PRKG1: variants seen among roughly 807,000 people sequenced by gnomAD.
PRKG1 encodes protein kinase cGMP-dependent 1.
PRKG1 carries 35 observed loss-of-function variants against 88.1 expected under a neutral mutation model. The observed-to-expected ratio is 0.40, with a 90% CI of 0.30 to 0.53. The LOEUF (loss-of-function observed/expected upper bound fraction) is 0.53, where lower values mean the gene tolerates loss of function less well. Ranked by LOEUF, PRKG1 falls within the 20% of genes least tolerant of loss-of-function variation. The pLI is 0.59. For missense variants in PRKG1, 540 were observed against 839.8 expected, an observed-to-expected ratio of 0.64 and a Z score of 4.41; for synonymous variants, 303 against 292.5, an observed-to-expected ratio of 1.04 and a Z score of -0.37.
intron 3 of PRKG1, among the ~76,000 whole-genome samples, chr10:51,777,475 T>C (rs1282990208): frequency 1.3e-5 from 2 of 152,074 alleles, no homozygotes; most frequent in Admixed American, 6.6e-5. Flanking sequence ...TTTAGGGTAG[T>C]TCTATTAATT....
intron 7 of PRKG1, among the ~76,000 whole-genome samples, chr10:52,084,146 G>T (rs1305154322): frequency 2.0e-5 from 3 of 152,010 alleles, no homozygotes; most frequent in Non-Finnish European, 4.4e-5. Context: ...TTCATTAGAA[G>T]ATGATTAGCA....
At chr10:51,406,660 A>G (rs754369796) in intron 2 of PRKG1, among the ~76,000 whole-genome samples, 8 of 146,362 alleles carry the variant, frequency 5.5e-5, no homozygotes, top group Non-Finnish European at 1.1e-4. Context: ...CTGTTTTTAT[A>G]TATTTCTATG....
At chr10:51,222,240 G>C (rs571288953) in intron 2 of PRKG1, among the ~76,000 whole-genome samples, 124 of 151,768 alleles carry the variant, frequency 8.2e-4, no homozygotes, top group African/African-American at 2.9e-3. Context: ...GAGAGGAACT[G>C]TTCCTCCCAC....
intron 7 of PRKG1, among the ~76,000 whole-genome samples, chr10:52,107,078 G>T (rs1589611800): frequency 6.6e-6 from 1 of 152,300 alleles, no homozygotes; most frequent in Admixed American, 6.5e-5. Flanking sequence ...TTTCACTGGA[G>T]AGACTGGCTA....
chr10:51,090,035 T>C (rs1244836458), intron 1 of PRKG1, among the ~76,000 whole-genome samples: 3 of 152,198 alleles, frequency 2.0e-5, no homozygotes, highest in African/African-American at 7.2e-5. Context: ...GAATGGGTTC[T>C]AATTTAATTG....
At chr10:51,387,590 A>G (rs375086109) in intron 2 of PRKG1, among the ~76,000 whole-genome samples, 2 of 152,072 alleles carry the variant, frequency 1.3e-5, no homozygotes, top group East Asian at 3.8e-4. Context: ...TCACTTAGGA[A>G]GGCTTGGTAC....
At chr10:51,910,587 T>A (rs947964641) in intron 5 of PRKG1, 1 of 152,102 alleles carries the variant, frequency 6.6e-6, no homozygotes, top group Admixed American at 6.6e-5. Context: ...AAAAGTTTAG[T>A]CAAGCAGAGG....
intron 4 of PRKG1, among the ~76,000 whole-genome samples, chr10:51,863,154 A>G (rs1471206691): frequency 1.4e-5 from 2 of 147,726 alleles, no homozygotes; most frequent in Non-Finnish European, 3.0e-5. Flanking sequence ...ATGCTAATCC[A>G]GATCATGACC....
At chr10:52,014,082 G>T (rs377544506) in intron 5 of PRKG1, among the ~76,000 whole-genome samples, 22 of 152,074 alleles carry the variant, frequency 1.4e-4, no homozygotes, top group East Asian at 7.7e-4. Flanking sequence ...GAGTGGGAAA[G>T]AAAAAGGAAA....
chr10:51,377,600 GT>G (rs141237288), intron 2 of PRKG1, among the ~76,000 whole-genome samples: 7,548 of 149,690 alleles, frequency 0.05, 528 homozygotes, highest in African/African-American at 0.16. Flanking sequence ...CCCACATGGT[GT>G]TTTTTTTTTC....
intron 10 of PRKG1, among the ~76,000 whole-genome samples, chr10:52,263,656 A>G (rs1190555816): frequency 6.6e-6 from 1 of 150,434 alleles, no homozygotes; most frequent in African/African-American, 2.5e-5. Context: ...GGCTCACTGC[A>G]GCTTGAGCTT....
At chr10:51,527,216 C>A (rs1841904092) in intron 3 of PRKG1, among the ~76,000 whole-genome samples, 1 of 151,838 alleles carries the variant, frequency 6.6e-6, no homozygotes, top group South Asian at 2.1e-4. Flanking sequence ...GTATGAGATA[C>A]TCTAAATGAA....
intron 9 of PRKG1, among the ~76,000 whole-genome samples, chr10:52,212,432 C>T (rs1840002456): frequency 6.6e-6 from 1 of 152,116 alleles, no homozygotes; most frequent in Non-Finnish European, 1.5e-5. Context: ...CACTTGCCTC[C>T]TAAACTGTTA....
At chr10:51,906,655 G>A (rs1404217787) in intron 4 of PRKG1, among the ~76,000 whole-genome samples, 1 of 152,110 alleles carries the variant, frequency 6.6e-6, no homozygotes. Context: ...TTATTATGCA[G>A]ATGAAGCCTC....
chr10:51,057,368 T>C lies in PRKG1; in HGVS notation c.266+65724T>C, dbSNP rs533059964. On this transcript the variant is annotated intron_variant, in intron 1 of 17. Coordinates refer to the PRKG1 transcript ENST00000401604. ...ATCTAAAATGATATTCAGTAATTCCTTGCCAGTTATTCTTAGTAAAATCAA... is the reference window on the plus strand; with the variant it reads ...ATCTAAAATGATATTCAGTAATTCCCTGCCAGTTATTCTTAGTAAAATCAA... Among the ~76,000 whole-genome samples the C allele has an allele frequency of 3.3e-4, 51 of 152,372 alleles. No individual in the cohort carries two copies. In the South Asian group the frequency reaches 0.01, roughly 30 times the overall value.
At chr10:51,750,343 T>C (rs537831861) in intron 3 of PRKG1, among the ~76,000 whole-genome samples, 1 of 152,168 alleles carries the variant, frequency 6.6e-6, no homozygotes, top group Non-Finnish European at 1.5e-5. Flanking sequence ...ATTTTTTGCA[T>C]GTGGACATAA....
chr10:51,074,889 C>G lies in PRKG1; in HGVS notation c.299C>G (p.Pro100Arg), dbSNP rs763629518. 2.5e-5 allele frequency: 40 copies of G among 1,607,874 alleles called. No homozygotes were observed. Among genetic ancestry groups the G allele is most frequent in the Non-Finnish European group, 3.3e-5 (39 of 1,175,680 alleles). ...AGCCATGTGACCCTGCCCTTCTACC[C>G]CAAGAGCCCACAGTAAGCAGGGGTG... ...DLSHVTLPFY[P>R]KSPQSKDLIK... Residue 100 changes from proline to arginine, a missense_variant, in exon 1 of 18, where the codon CCC (proline) becomes CGC (arginine). Pro to Arg is a moderately radical substitution (Grantham distance 103). This residue lies in a region of PRKG1 where 400 missense variants were observed against 562.7 expected (regional missense o/e 0.71). Coordinates refer to ENST00000373980, the MANE Select transcript of PRKG1 (RefSeq NM_006258.4).
intron 2 of PRKG1, among the ~76,000 whole-genome samples, chr10:51,459,561 G>A (rs1839686919): frequency 6.6e-6 from 1 of 152,038 alleles, no homozygotes; most frequent in Non-Finnish European, 1.5e-5. Flanking sequence ...TATATTCTTT[G>A]TCTTGCTACA....
chr10:51,960,906 T>C (rs2133070894), intron 5 of PRKG1, among the ~76,000 whole-genome samples: 1 of 152,226 alleles, frequency 6.6e-6, no homozygotes, highest in East Asian at 1.9e-4. Flanking sequence ...ATGCAAATTG[T>C]TTTATATGCC....
Sources: allele counts gnomAD v4.1 joint callset (sites outside exome capture counted in the v4.1 genomes callset), GRCh38; gene constraint gnomAD v4.1.1; regional missense constraint gnomAD v4.1.1; transcripts MANE v1.5; gene names NCBI Gene and HGNC (gene_info 2026-07-23, HGNC 2026-07-21).